The following SKIC3 variants were observed in gnomAD, a reference collection of about 807,000 sequenced individuals.
SKIC3 encodes the protein superkiller complex protein 3.
the SKIC3 span, among the ~76,000 whole-genome samples, chr5:95,508,185 AAAAGCAT>A: frequency 6.6e-6 from 1 of 152,188 alleles, no homozygotes; most frequent in African/African-American, 2.4e-5. Flanking sequence ...AGAGATCCAT[AAAAGCAT>A]ATGGCAAAGC....
the SKIC3 span, chr5:95,509,609 GCTGCTTC>G: frequency 6.2e-7 from 1 of 1,612,264 alleles, no homozygotes; most frequent in East Asian, 2.2e-5. Context: ...GTATGCATTT[GCTGCTTC>G]CTTTTTCAGT....
chr5:95,469,697 G>C, the SKIC3 span: 1 of 1,591,166 alleles, frequency 6.3e-7, no homozygotes, highest in Non-Finnish European at 8.6e-7. Flanking sequence ...AAACTTTAAA[G>C]TTTATAATCT....
the SKIC3 span, among the ~76,000 whole-genome samples, chr5:95,481,196 C>T: frequency 6.6e-6 from 1 of 152,088 alleles, no homozygotes; most frequent in Non-Finnish European, 1.5e-5. Flanking sequence ...GCTGTGTCCC[C>T]ACCCAAATCT....
chr5:95,547,760 T>C, the SKIC3 span, among the ~76,000 whole-genome samples: 1 of 152,248 alleles, frequency 6.6e-6, no homozygotes, highest in East Asian at 1.9e-4. Flanking sequence ...TCCAGTAGAA[T>C]AAGCCCAAGT....
At chr5:95,478,403 C>G in the SKIC3 span, 1 of 1,613,964 alleles carries the variant, frequency 6.2e-7, no homozygotes, top group African/African-American at 1.3e-5. Context: ...ATCTCTGCAG[C>G]TCTCATCATT....
the SKIC3 span, chr5:95,522,069 C>G: frequency 6.2e-7 from 1 of 1,613,544 alleles, no homozygotes; most frequent in African/African-American, 1.3e-5. Context: ...AAAGCAGGCA[C>G]ATAATCTTCT....
At chr5:95,486,649 G>A in the SKIC3 span, among the ~76,000 whole-genome samples, 1 of 152,300 alleles carries the variant, frequency 6.6e-6, no homozygotes, top group Admixed American at 6.5e-5. Context: ...CCTCGGGATT[G>A]CCCAGCTCAG....
At chr5:95,541,765 T>C in the SKIC3 span, 2 of 1,340,884 alleles carry the variant, frequency 1.5e-6, no homozygotes, top group Non-Finnish European at 2.1e-6. Context: ...AATCAGTTTA[T>C]TAAAATTCAA....
At chr5:95,548,206 C>A in the SKIC3 span, among the ~76,000 whole-genome samples, 1 of 151,844 alleles carries the variant, frequency 6.6e-6, no homozygotes, top group African/African-American at 2.4e-5. Flanking sequence ...TAAAACAAAG[C>A]TGGGGTAAAT....
At chr5:95,543,057 A>C in the SKIC3 span, 1 of 1,198,562 alleles carries the variant, frequency 8.3e-7, no homozygotes, top group Non-Finnish European at 1.2e-6. Context: ...AAACCAATAA[A>C]TTTAAATTTT....
the SKIC3 span, chr5:95,478,427 A>G: frequency 2.5e-4 from 399 of 1,613,896 alleles, 1 homozygote; most frequent in Middle Eastern, 3.3e-4. Context: ...TGGGATTGAT[A>G]CACATGTGCC....
chr5:95,513,823 ATAAAT>A, the SKIC3 span, among the ~76,000 whole-genome samples: 1 of 152,254 alleles, frequency 6.6e-6, no homozygotes, highest in East Asian at 1.9e-4. Flanking sequence ...ACCTGCTAAA[ATAAAT>A]TATTTTTAAA....
chr5:95,464,344 C>T, the SKIC3 span: 2 of 408,222 alleles, frequency 4.9e-6, no homozygotes, highest in Non-Finnish European at 9.0e-6. Context: ...TAATGGTTTA[C>T]AAATAATGTT....
the SKIC3 span, chr5:95,469,640 T>C: frequency 8.6e-7 from 1 of 1,167,294 alleles, no homozygotes; most frequent in Non-Finnish European, 1.3e-6. Context: ...CCAAAGTAGA[T>C]ACAGATATAT....
the SKIC3 span, among the ~76,000 whole-genome samples, chr5:95,484,437 C>T: frequency 2.0e-5 from 3 of 148,136 alleles, no homozygotes; most frequent in African/African-American, 5.0e-5. Flanking sequence ...ACGTCAAATT[C>T]CTGGGCTCAA....
At chr5:95,537,354 TAAC>T in the SKIC3 span, among the ~76,000 whole-genome samples, 1 of 152,204 alleles carries the variant, frequency 6.6e-6, no homozygotes, top group African/African-American at 2.4e-5. Context: ...AACTGGTAAG[TAAC>T]AACTATACAT....
At chr5:95,523,205 G>A in the SKIC3 span, 23 of 1,613,600 alleles carry the variant, frequency 1.4e-5, no homozygotes, top group African/African-American at 2.8e-4. Context: ...GCCTTACTCA[G>A]CCACTGCTTG....
chr5:95,545,477 C>T, the SKIC3 span, among the ~76,000 whole-genome samples: 266 of 152,254 alleles, frequency 1.7e-3, 1 homozygote, highest in African/African-American at 6.2e-3. Context: ...CTCTGGAACT[C>T]CCAATCTGGG....
the SKIC3 span, chr5:95,547,236 G>T: frequency 1.6e-6 from 2 of 1,235,196 alleles, no homozygotes; most frequent in Non-Finnish European, 2.4e-6. Flanking sequence ...TCTGAAAAGG[G>T]ACCCTGGAAA....
Sources: gnomAD v4.1 joint callset for allele counts (sites outside exome capture counted in the v4.1 genomes callset) on GRCh38, gnomAD v4.1.1 for gene constraint, MANE v1.5 for transcripts, NCBI Gene and HGNC (gene_info 2026-07-23, HGNC 2026-07-21) for gene names.